The following ELL2 variants were observed in gnomAD, a reference collection of about 807,000 sequenced individuals.
ELL2 encodes elongation factor for RNA polymerase II 2.
In ELL2, 21 loss-of-function variants were observed where a neutral mutation model predicts 72.8. The observed-to-expected ratio is 0.29, with a 90% CI of 0.20 to 0.42. The LOEUF (loss-of-function observed/expected upper bound fraction) is 0.42, where lower values mean the gene tolerates loss of function less well. ELL2 is among the 10% of genes least tolerant of loss of function. ELL2 has a pLI of 1.00. For missense variants in ELL2, 568 were observed against 772.8 expected, an observed-to-expected ratio of 0.73 and a Z score of 3.14; for synonymous variants, 266 against 283.2, an observed-to-expected ratio of 0.94 and a Z score of 0.61.
At chr5:95,892,293 C>CATGCCA (rs975104540) in intron 9 of ELL2, among the ~76,000 whole-genome samples, 13 of 152,094 alleles carry the variant, frequency 8.5e-5, no homozygotes, top group African/African-American at 2.7e-4. Flanking sequence ...ATTACAGGTA[C>CATGCCA]ATGCCACCAT....
rs1031240212 is a variant in ELL2, at chr5:95,888,204, A to G, written c.*667T>C. On this transcript the variant is annotated 3_prime_UTR_variant, in exon 12 of 12. Coordinates refer to ENST00000237853, the MANE Select transcript of ELL2 (RefSeq NM_012081.6). ...GAAGCAGTGTAGCTAATGATTAACC[A>G]CACTATGTACACAACTAGCAAACAC... is the stretch of plus-strand genomic sequence containing the variant. 17 of 152,532 alleles carry G rather than the reference A, an allele frequency of 1.1e-4. No individual in the cohort carries two copies. Among genetic ancestry groups the G allele is most frequent in the Middle Eastern group, 3.2e-3 (1 of 316 alleles). The allele number at this position is 152,532 out of a possible 1,614,324, so 9.4% of individuals were successfully genotyped here.
chr5:95,946,795 A>G (rs1372037907), intron 1 of ELL2, among the ~76,000 whole-genome samples: 1 of 152,238 alleles, frequency 6.6e-6, no homozygotes, highest in Non-Finnish European at 1.5e-5. Flanking sequence ...TTGCTTACTT[A>G]ACATTCAAGC....
In ELL2 at chr5:95,936,109, A is replaced by C. The variant is rs1322245556; in HGVS notation, c.195+6893T>G. Among the ~76,000 whole-genome samples the C allele has an allele frequency of 2.0e-5, 3 of 152,218 alleles. 1 individual carries two copies. The highest frequency in any genetic ancestry group is 3.9e-4 in the East Asian group (2 of 5,192). ...CATTGATGAAGTATGGGTAAAGACTATGTTGTGGAACTTTTGTTTCAGTTG... is the reference window on the plus strand; with the variant it reads ...CATTGATGAAGTATGGGTAAAGACTCTGTTGTGGAACTTTTGTTTCAGTTG... On this transcript the variant is annotated intron_variant, in intron 2 of 11. Coordinates refer to ENST00000237853, the MANE Select transcript of ELL2 (RefSeq NM_012081.6).
At chr5:95,933,065 C>A (rs1750652959) in intron 2 of ELL2, among the ~76,000 whole-genome samples, 1 of 152,148 alleles carries the variant, frequency 6.6e-6, no homozygotes, top group Non-Finnish European at 1.5e-5. Flanking sequence ...ACAAATCACG[C>A]TGTCAAACAG....
intron 1 of ELL2, among the ~76,000 whole-genome samples, chr5:95,958,363 T>G (rs1247408543): frequency 6.6e-6 from 1 of 152,224 alleles, no homozygotes. Context: ...AGATGCCTAC[T>G]GCTAGCAACT....
chr5:95,949,185 G>T (rs1751285155), intron 1 of ELL2, among the ~76,000 whole-genome samples: 1 of 152,088 alleles, frequency 6.6e-6, no homozygotes, highest in South Asian at 2.1e-4. Context: ...AATTTACTGA[G>T]TCATTTTCCT....
At chr5:95,911,307 G>A (rs1749585069) in intron 4 of ELL2, among the ~76,000 whole-genome samples, 1 of 149,890 alleles carries the variant, frequency 6.7e-6, no homozygotes, top group Non-Finnish European at 1.5e-5. Context: ...CAGGATACTT[G>A]AATCCATTGC....
At chr5:95,891,510 A>C (rs1748663366) in intron 9 of ELL2, among the ~76,000 whole-genome samples, 1 of 152,264 alleles carries the variant, frequency 6.6e-6, no homozygotes, top group African/African-American at 2.4e-5. Context: ...CATGGTGGCA[A>C]TGGAACTAAA....
intron 8 of ELL2, 42 bp from the exon 9 acceptor site, chr5:95,895,733 G>A (rs778170972): frequency 2.6e-5 from 39 of 1,487,940 alleles, no homozygotes; most frequent in South Asian, 2.5e-4. Flanking sequence ...CATCAACTAC[G>A]AAGGTTATCA....
At chr5:95,925,452 T>A (rs1440203728) in intron 2 of ELL2, among the ~76,000 whole-genome samples, 1 of 152,166 alleles carries the variant, frequency 6.6e-6, no homozygotes, top group Non-Finnish European at 1.5e-5. Context: ...TACTAACATA[T>A]TATGTTTATA....
Position 95,922,150 on chromosome 5 carries a change from G to A in ELL2, c.196-2605C>T, listed in dbSNP as rs570037815. 1.2e-4 allele frequency among the ~76,000 whole-genome samples: 18 copies of A among 151,634 alleles called. No homozygotes were observed. In the East Asian group the frequency reaches 1.4e-3, roughly 11 times the overall value. On this transcript the variant is annotated intron_variant, in intron 2 of 11. Coordinates refer to ENST00000237853, the MANE Select transcript of ELL2 (RefSeq NM_012081.6). Reference sequence around the variant, plus strand: ...ACGATCTCAACTCACTGCAAGCTCCGCCTCCTGGTTCACACCATTCTCCTG... The same window carrying A: ...ACGATCTCAACTCACTGCAAGCTCCACCTCCTGGTTCACACCATTCTCCTG...
intron 1 of ELL2, among the ~76,000 whole-genome samples, chr5:95,959,107 C>T (rs1751720574): frequency 1.3e-5 from 2 of 152,144 alleles, no homozygotes; most frequent in Admixed American, 1.3e-4. Flanking sequence ...CCTTCTGGGG[C>T]CTCCAGTGGT....
intron 4 of ELL2, among the ~76,000 whole-genome samples, chr5:95,910,470 G>T (rs1003254650): frequency 1.3e-5 from 2 of 151,758 alleles, no homozygotes; most frequent in African/African-American, 2.4e-5. Flanking sequence ...TTTTATATCA[G>T]TGTTTACCAC....
At chr5:95,946,326 T>C (rs928784073) in intron 1 of ELL2, among the ~76,000 whole-genome samples, 2 of 152,186 alleles carry the variant, frequency 1.3e-5, no homozygotes, top group Non-Finnish European at 2.9e-5. Context: ...TGCTGAAAGC[T>C]TGAATATCAG....
At chr5:95,904,043 C>T (rs143628744) in intron 5 of ELL2, among the ~76,000 whole-genome samples, 113 of 152,304 alleles carry the variant, frequency 7.4e-4, no homozygotes, top group Middle Eastern at 3.4e-3. Flanking sequence ...CCTGCCCCTC[C>T]AAGCCATTCT....
intron 2 of ELL2, among the ~76,000 whole-genome samples, chr5:95,921,539 T>C (rs985613662): frequency 2.6e-5 from 4 of 152,238 alleles, no homozygotes; most frequent in Non-Finnish European, 5.9e-5. Context: ...TGTAGGTAGG[T>C]ATTCATCAGG....
At chr5:95,955,776 G>A (rs1368115906) in intron 1 of ELL2, among the ~76,000 whole-genome samples, 1 of 151,974 alleles carries the variant, frequency 6.6e-6, no homozygotes, top group African/African-American at 2.4e-5. Flanking sequence ...TTCATCTTCA[G>A]TGTAGGAATG....
chr5:95,895,477 C>T (rs1748830883), intron 9 of ELL2, 151 bp downstream of exon 9: 1 of 674,102 alleles, frequency 1.5e-6, no homozygotes, highest in Admixed American at 2.7e-5. Context: ...TTGGGATGAG[C>T]AGGCTAAATG....
chr5:95,898,596 T>A lies in ELL2; in HGVS notation c.1169A>T (p.Gln390Leu). The A allele has an allele frequency of 6.2e-7, 1 of 1,613,678 alleles. No individual in the cohort carries two copies. Among genetic ancestry groups the A allele is most frequent in the South Asian group, 1.1e-5 (1 of 91,046 alleles). ...STYLPISHPP[Q>L]IVNSNSNSPS... ...GGAGTTGGAGTTAGAATTTACAATC[T>A]GAGGAGGATGTGAGATGGGCAGATA... is the stretch of plus-strand genomic sequence containing the variant. The change falls in exon 8 of 12, where the codon CAG becomes CTG. Residue 390 changes from glutamine (Q) to leucine (L), a missense_variant. By Grantham distance (113) the Gln-to-Leu change is moderately radical. Coordinates refer to ENST00000237853, the MANE Select transcript of ELL2 (RefSeq NM_012081.6).
Sources: gnomAD v4.1 joint callset for allele counts (sites outside exome capture counted in the v4.1 genomes callset) on GRCh38, gnomAD v4.1.1 for gene constraint, MANE v1.5 for transcripts, NCBI Gene and HGNC (gene_info 2026-07-23, HGNC 2026-07-21) for gene names.